ZFAND3: variants seen among roughly 807,000 people sequenced by gnomAD.
ZFAND3 encodes zinc finger AN1-type containing 3, also known as AN1-type zinc finger protein 3.
ZFAND3 carries 10 observed loss-of-function variants against 29.6 expected under a neutral mutation model. That is an observed-to-expected ratio of 0.34 (90% CI 0.21 to 0.57). The LOEUF (loss-of-function observed/expected upper bound fraction) is 0.57, where lower values mean the gene tolerates loss of function less well. ZFAND3 is among the 20% of genes least tolerant of loss of function. The probability of loss-of-function intolerance (pLI) is 0.86; values close to 1 mark genes in which losing one functional copy is unlikely to be tolerated. For synonymous variants in ZFAND3, 128 were observed against 112.6 expected (o/e 1.14, Z -0.87); for missense variants, 230 against 304.5 (o/e 0.76, Z 1.82).
Position 37,907,785 on chromosome 6 carries a change from T to A in ZFAND3, c.72-22174T>A, listed in dbSNP as rs571794501. Among the ~76,000 whole-genome samples, 3 of 152,360 alleles carry A rather than the reference T, an allele frequency of 2.0e-5. No individual in the cohort carries two copies. In the South Asian group the frequency reaches 6.2e-4, roughly 32 times the overall value. On this transcript the variant is annotated intron_variant, in intron 1 of 5. Coordinates refer to ENST00000287218, the MANE Select transcript of ZFAND3 (RefSeq NM_021943.3). Reference sequence around the variant, plus strand: ...GTAAGTAGTATAGCAAACACCTATTTACTCTTCACCTAGATTGACTATTAA... The same window carrying A: ...GTAAGTAGTATAGCAAACACCTATTAACTCTTCACCTAGATTGACTATTAA...
At chr6:37,927,156 G>A (rs1477566329) in intron 1 of ZFAND3, among the ~76,000 whole-genome samples, 1 of 152,248 alleles carries the variant, frequency 6.6e-6, no homozygotes, top group African/African-American at 2.4e-5. Context: ...GGTATGGTAG[G>A]CATTTTAAAT....
intron 2 of ZFAND3, among the ~76,000 whole-genome samples, chr6:37,976,999 A>G (rs1561953431): frequency 6.6e-6 from 1 of 152,136 alleles, no homozygotes; most frequent in Non-Finnish European, 1.5e-5. Context: ...CACTTTAGAT[A>G]CCTTTTATGG....
At chr6:38,107,683 A>C (rs1243313267) in intron 4 of ZFAND3, among the ~76,000 whole-genome samples, 3 of 152,132 alleles carry the variant, frequency 2.0e-5, no homozygotes, top group African/African-American at 7.2e-5. Flanking sequence ...AATACAAAAA[A>C]TTAGCCAGGC....
At chr6:38,063,181 G>A (rs929810340) in intron 3 of ZFAND3, among the ~76,000 whole-genome samples, 2 of 152,092 alleles carry the variant, frequency 1.3e-5, no homozygotes, top group African/African-American at 2.4e-5. Context: ...TACTAACTTT[G>A]GAAAGGTTAG....
intron 1 of ZFAND3, among the ~76,000 whole-genome samples, chr6:37,894,312 C>G (rs973391754): frequency 3.3e-5 from 5 of 152,088 alleles, no homozygotes; most frequent in Admixed American, 1.3e-4. Flanking sequence ...TTTACTTGTG[C>G]TCATTTCTTT....
At chr6:37,998,532 A>AG (rs1762891090) in intron 2 of ZFAND3, among the ~76,000 whole-genome samples, 1 of 136,024 alleles carries the variant, frequency 7.4e-6, no homozygotes, top group Admixed American at 7.9e-5. Context: ...ATCTGTAATG[A>AG]GGGGGGCGGG....
intron 4 of ZFAND3, among the ~76,000 whole-genome samples, chr6:38,098,901 G>A (rs543179308): frequency 2.4e-4 from 37 of 151,876 alleles, no homozygotes; most frequent in Non-Finnish European, 4.9e-4. Context: ...TTTGTTTTTT[G>A]TTTTTTGTTT....
At chr6:37,899,339 G>T (rs1390002752) in intron 1 of ZFAND3, among the ~76,000 whole-genome samples, 1 of 152,130 alleles carries the variant, frequency 6.6e-6, no homozygotes, top group African/African-American at 2.4e-5. Context: ...TGGTGATAGT[G>T]TACCTTCTTA....
chr6:38,088,211 C>CT (rs1165285183), intron 4 of ZFAND3: 1 of 152,088 alleles, frequency 6.6e-6, no homozygotes, highest in Non-Finnish European at 1.5e-5. Flanking sequence ...TCCAGTCATT[C>CT]TTTTTTTATC....
chr6:38,114,775 T>C (rs993464539), intron 4 of ZFAND3, among the ~76,000 whole-genome samples: 1 of 152,208 alleles, frequency 6.6e-6, no homozygotes, highest in African/African-American at 2.4e-5. Flanking sequence ...CTGTGGCTTC[T>C]CACTAGAGCC....
intron 2 of ZFAND3, among the ~76,000 whole-genome samples, chr6:37,969,153 A>T (rs1490573843): frequency 6.6e-6 from 1 of 152,242 alleles, no homozygotes; most frequent in Non-Finnish European, 1.5e-5. Context: ...TAGAAAAGGT[A>T]TAGTAAAAGT....
intron 1 of ZFAND3, among the ~76,000 whole-genome samples, chr6:37,898,881 G>A (rs1765266160): frequency 7.0e-6 from 1 of 143,524 alleles, no homozygotes; most frequent in Non-Finnish European, 1.5e-5. Context: ...AATAATGACA[G>A]GTTTACATAT....
chr6:37,940,431 G>T (rs1403476440), intron 2 of ZFAND3, among the ~76,000 whole-genome samples: 1 of 152,166 alleles, frequency 6.6e-6, no homozygotes, highest in Non-Finnish European at 1.5e-5. Context: ...ATTAATGTAT[G>T]ACTAAAATAT....
At chr6:38,058,621 C>G (rs889215942) in intron 2 of ZFAND3, among the ~76,000 whole-genome samples, 6 of 152,130 alleles carry the variant, frequency 3.9e-5, no homozygotes, top group African/African-American at 1.4e-4. Context: ...CTGGAAATGG[C>G]TGGGGGCTTG....
intron 3 of ZFAND3, among the ~76,000 whole-genome samples, chr6:38,081,123 C>T (rs375111416): frequency 4.0e-5 from 6 of 151,672 alleles, no homozygotes; most frequent in African/African-American, 1.5e-4. Flanking sequence ...TTATTGCTGT[C>T]ATGTATTGTT....
intron 4 of ZFAND3, among the ~76,000 whole-genome samples, chr6:38,086,241 T>G (rs77640477): frequency 0.073 from 11,182 of 152,158 alleles, 485 homozygotes; most frequent in Non-Finnish European, 0.096. Flanking sequence ...ACAGTTAAAC[T>G]CATTGTAATC....
chr6:38,121,452 G>A (rs1053162861), intron 5 of ZFAND3, among the ~76,000 whole-genome samples: 1 of 152,220 alleles, frequency 6.6e-6, no homozygotes, highest in Non-Finnish European at 1.5e-5. Flanking sequence ...TGGAGGGCAT[G>A]TTAAAAACAG....
At chr6:38,117,099 C>G (rs1481028855) in intron 5 of ZFAND3, among the ~76,000 whole-genome samples, 1 of 152,052 alleles carries the variant, frequency 6.6e-6, no homozygotes, top group African/African-American at 2.4e-5. Flanking sequence ...GAGTATGTAC[C>G]ATAAAATTCA....
Position 38,116,738 on chromosome 6 carries a change from C to T in ZFAND3, c.528C>T (p.Cys176=), listed in dbSNP as rs779734633. 15 of 1,613,310 alleles carry T rather than the reference C, an allele frequency of 9.3e-6. No individual in the cohort carries two copies. The highest frequency in any genetic ancestry group is 1.7e-4 in the Middle Eastern group (1 of 6,032). Residue 176 remains cysteine, a splice_region_variant and synonymous_variant, in exon 5 of 6, where the codon TGC becomes TGT. Transcript: ENST00000287218. ...AGCAGGAATTGGGATCGTGTCGCTG[C>T]GGTAAGCATCTCCCCCAGTGGCGTG... is the stretch of plus-strand genomic sequence containing the variant. ...LVQQELGSCR[C]GYVFCMLHRL... is the part of the protein sequence containing the mutation.
Sources: gnomAD v4.1 joint callset for allele counts (sites outside exome capture counted in the v4.1 genomes callset) on GRCh38, gnomAD v4.1.1 for gene constraint, MANE v1.5 for transcripts, NCBI Gene and HGNC (gene_info 2026-07-23, HGNC 2026-07-21) for gene names.